Variants in VPS51 observed in about 807,000 individuals in gnomAD.
The protein encoded by VPS51 is VPS51 subunit of GARP complex.
In VPS51, 55 loss-of-function variants were observed where a neutral mutation model predicts 65.1. The ratio of observed to expected loss-of-function variants is 0.84; its 90% CI spans 0.68 to 1.06. The LOEUF (loss-of-function observed/expected upper bound fraction) is 1.06. Among genes scored for constraint, VPS51 ranks in the 50% least tolerant of loss-of-function variants. The pLI, the probability that VPS51 is intolerant of heterozygous loss-of-function variation, is 0.00. For missense variants in VPS51, 943 were observed against 1,101.6 expected (o/e 0.86, Z 2.04); for synonymous variants, 473 against 489.5 (o/e 0.97, Z 0.44).
At chr11:65,108,956 G>T in intron 5 of VPS51, 42 bp downstream of exon 5, 2 of 1,603,152 alleles carry the variant, frequency 1.2e-6, no homozygotes, top group South Asian at 2.2e-5. Context: ...CCTGCTGGTT[G>T]ACCCTCCAAA....
Position 65,107,959 on chromosome 11 carries a change from C to A in VPS51, c.662C>A (p.Ala221Asp). ...TACCAACACCTGCCCTCGTTCCGCGCCATCCAGGACGACTGCCAGGTCATC... is the reference window on the plus strand; with the variant it reads ...TACCAACACCTGCCCTCGTTCCGCGACATCCAGGACGACTGCCAGGTCATC... Reference protein sequence around the residue: ...QQYQHLPSFRAIQDDCQVITA... With the variant: ...QQYQHLPSFRDIQDDCQVITA... Residue 221 changes from alanine to aspartate, a missense_variant, in exon 4 of 10, where the codon GCC becomes GAC. Physicochemically the swap from Ala to Asp is moderately radical, Grantham distance 126. Coordinates refer to ENST00000279281, the MANE Select transcript of VPS51 (RefSeq NM_013265.4). This position sits in a 1 kb window ranked among gnomAD's most constrained non-coding sequence, Gnocchi z 4.0. 6.4e-7 allele frequency: 1 copy of A among 1,565,330 alleles called. No individual in the cohort carries two copies. The highest frequency in any genetic ancestry group is 2.4e-5 in the East Asian group (1 of 41,900).
At chr11:65,103,925 A>T (rs112343209) in intron 2 of VPS51, among the ~76,000 whole-genome samples, 24 of 134,680 alleles carry the variant, frequency 1.8e-4, no homozygotes, top group African/African-American at 6.2e-4. Context: ...AGGGCTTTCT[A>T]TTTATTCAAT....
chr11:65,109,585 G>C, intron 6 of VPS51, 90 bp downstream of exon 6: 1 of 1,539,364 alleles, frequency 6.5e-7, no homozygotes, highest in South Asian at 1.2e-5. Flanking sequence ...CCCCAGACCA[G>C]CTGCCTGTGT....
rs911211303 is a variant in VPS51, at chr11:65,107,220, C to G, written c.359-361C>G. 2.0e-6 allele frequency: 1 copy of G among 496,372 alleles called. No homozygotes were observed. Among genetic ancestry groups the G allele is most frequent in the Non-Finnish European group, 3.9e-6 (1 of 254,224 alleles). 30.7% of individuals were successfully genotyped at this position (496,372 alleles called of 1,614,324 possible). ...CTGGACACGCAGATGCGCTTGGGAG[C>G]CAGCGGTCCCTGCCTTGGCTGCTTG... On this transcript the variant is annotated intron_variant, in intron 2 of 9. Transcript: ENST00000279281. This position sits in a 1 kb window ranked among gnomAD's most constrained non-coding sequence, Gnocchi z 4.0.
chr11:65,109,529 G>C (rs1383339794), intron 6 of VPS51, 34 bp downstream of exon 6: 2 of 1,600,000 alleles, frequency 1.3e-6, no homozygotes, highest in Non-Finnish European at 1.7e-6. Flanking sequence ...GCAGGGAATG[G>C]TGTTGCTGGG....
At chr11:65,109,105 C>T (rs1565315997) in intron 5 of VPS51, 175 bp from the exon 6 acceptor site, 2 of 999,302 alleles carry the variant, frequency 2.0e-6, no homozygotes, top group Middle Eastern at 6.4e-4. Context: ...GGTGGGGTCC[C>T]CAGTGTTGGC....
chr11:65,107,046 G>A lies in VPS51; in HGVS notation c.359-535G>A, dbSNP rs892702922. 1 of 386,938 alleles carries A rather than the reference G, an allele frequency of 2.6e-6. No individual in the cohort carries two copies. The highest frequency in any genetic ancestry group is 5.2e-6 in the Non-Finnish European group (1 of 192,884). The allele number at this position is 386,938 out of a possible 1,614,324, so 24.0% of individuals were successfully genotyped here. A position where few individuals can be genotyped will look rare whatever the true frequency, so the allele number is the denominator to read the frequency against. On this transcript the variant is annotated intron_variant, in intron 2 of 9. Coordinates refer to ENST00000279281, the MANE Select transcript of VPS51 (RefSeq NM_013265.4). The surrounding 1 kb of genome is among the most constrained non-coding windows in gnomAD (Gnocchi z 4.0). ...CACCTGGTGTGTGAAAGGAAAAACA[G>A]CCTCCCTAGGCAGGATTCTATCAGG...
intron 2 of VPS51, among the ~76,000 whole-genome samples, chr11:65,106,765 AGAAT>A (rs1001443436): frequency 2.0e-5 from 3 of 150,576 alleles, no homozygotes; most frequent in Non-Finnish European, 4.4e-5. Flanking sequence ...AAAAAAAAAA[AGAAT>A]AGGTGGAATT....
At chr11:65,101,862 T>C (rs1408320200) in intron 2 of VPS51, among the ~76,000 whole-genome samples, 1 of 146,884 alleles carries the variant, frequency 6.8e-6, no homozygotes, top group Non-Finnish European at 1.5e-5. Context: ...GGGAGCACAG[T>C]CACATAATCA....
intron 2 of VPS51, among the ~76,000 whole-genome samples, chr11:65,099,096 G>A (rs1200982225): frequency 6.6e-6 from 1 of 152,226 alleles, no homozygotes; most frequent in Non-Finnish European, 1.5e-5. Context: ...GCTGAGGCAG[G>A]AGAATTGCTT....
chr11:65,109,002 C>A, intron 5 of VPS51, 88 bp downstream of exon 5: 1 of 1,466,346 alleles, frequency 6.8e-7, no homozygotes, highest in Non-Finnish European at 9.5e-7. Context: ...CTGGGGAAAC[C>A]AGGCACTCTG....
chr11:65,096,499 G>GGCC, intron 1 of VPS51, 21 bp downstream of exon 1: 1 of 1,127,544 alleles, frequency 8.9e-7, no homozygotes, highest in Non-Finnish European at 1.2e-6. Context: ...ACGGGGAGTG[G>GGCC]GGGGGTGCGG....
At chr11:65,106,123 A>G (rs1362868283) in intron 2 of VPS51, among the ~76,000 whole-genome samples, 1 of 152,248 alleles carries the variant, frequency 6.6e-6, no homozygotes, top group African/African-American at 2.4e-5. Context: ...GGTATGTTCA[A>G]TGGAATTAGG....
chr11:65,101,624 G>C (rs1260969390), intron 2 of VPS51, among the ~76,000 whole-genome samples: 1 of 151,646 alleles, frequency 6.6e-6, no homozygotes, highest in Non-Finnish European at 1.5e-5. Context: ...AAAATTAGCT[G>C]GGTGTGGTGT....
chr11:65,108,232 G>C lies in VPS51; in HGVS notation c.761G>C (p.Cys254Ser). ...TCAGGCGCCCCGGAGCAGGCAGAGT[G>C]CGTGGAGCTGCTGCTGGCCCTGGGC... ...GGSGAPEQAE[C>S]VELLLALGEP... The change falls in exon 5 of 10, where the codon TGC becomes TCC. Residue 254 changes from cysteine (C) to serine (S), a missense_variant. Physicochemically the swap from Cys to Ser is moderately radical, Grantham distance 112 (BLOSUM62 -1). Transcript: ENST00000279281. 2 of 1,599,966 alleles carry C rather than the reference G, an allele frequency of 1.3e-6. No individual in the cohort carries two copies. Among genetic ancestry groups the C allele is most frequent in the Non-Finnish European group, 1.7e-6 (2 of 1,175,318 alleles).
intron 2 of VPS51, among the ~76,000 whole-genome samples, chr11:65,103,065 G>A (rs1279481356): frequency 2.0e-5 from 3 of 152,160 alleles, no homozygotes; most frequent in Non-Finnish European, 4.4e-5. Context: ...AAGGTAGGAG[G>A]ATCACTTGAG....
At position 65,097,010 on chromosome 11, in the gene VPS51, T is replaced by G. The variant is rs140845832; in HGVS notation, c.241T>G (p.Cys81Gly). 6.2e-7 allele frequency: 1 copy of G among 1,613,456 alleles called. No individual in the cohort carries two copies. Among genetic ancestry groups the G allele is most frequent in the African/African-American group, 1.3e-5 (1 of 74,868 alleles). The change falls in exon 2 of 10, where the codon TGC becomes GGC. Residue 81 changes from cysteine (C) to glycine (G), a missense_variant. Cys to Gly is a radical substitution (Grantham distance 159). Transcript: ENST00000279281. ...EVYLDKLRRE[C>G]PLAQLMDSET... ...CCAACTTCTTCAGCTGCGTAGAGAG[T>G]GCCCTCTGGCCCAGTTGATGGACAG... is the stretch of plus-strand genomic sequence containing the variant.
intron 5 of VPS51, 126 bp downstream of exon 5, chr11:65,109,040 T>C: frequency 1.6e-6 from 2 of 1,242,140 alleles, no homozygotes; most frequent in South Asian, 1.3e-5. Context: ...TTATGCACGG[T>C]CTGGGGGGTG....
At position 65,107,799 on chromosome 11, in the gene VPS51, C is replaced by T; in HGVS notation, c.506-4C>T. ...TGGGGCTAACGTCACCCTCCGTCCC[C>T]CAGGGGTCCACGCGCTGCTGCGGAA... On this transcript the variant is annotated splice_polypyrimidine_tract_variant and splice_region_variant and intron_variant, in intron 3 of 9. Coordinates refer to ENST00000279281, the MANE Select transcript of VPS51 (RefSeq NM_013265.4). The surrounding 1 kb of genome is among the most constrained non-coding windows in gnomAD (Gnocchi z 4.0). 6 of 1,590,410 alleles carry T rather than the reference C, an allele frequency of 3.8e-6. No homozygotes were observed. Among genetic ancestry groups the T allele is most frequent in the Non-Finnish European group, 5.1e-6 (6 of 1,170,378 alleles).
Sources: allele counts gnomAD v4.1 joint callset (sites outside exome capture counted in the v4.1 genomes callset), GRCh38; gene constraint gnomAD v4.1.1; non-coding constraint Gnocchi (gnomAD v3.1); transcripts MANE v1.5; gene names NCBI Gene and HGNC (gene_info 2026-07-23, HGNC 2026-07-21).